PTCHD4: variants seen among roughly 807,000 people sequenced by gnomAD.
PTCHD4 encodes the protein patched domain-containing protein 4.
A neutral mutation model predicts 58.1 loss-of-function variants in PTCHD4; 33 were observed. That is an observed-to-expected ratio of 0.57 (90% confidence interval 0.43 to 0.76). The LOEUF is 0.76. Ranked by LOEUF, PTCHD4 falls within the 30% of genes least tolerant of loss-of-function variation. PTCHD4 has a pLI of 0.00. For missense variants in PTCHD4, 1,058 were observed against 1,027.1 expected, an observed-to-expected ratio of 1.03 and a Z score of -0.41; for synonymous variants, 478 against 409.6, an observed-to-expected ratio of 1.17 and a Z score of -2.02.
Position 47,873,265 on chromosome 6 carries a change from C to A in PTCHD4, c.*5038G>T, listed in dbSNP as rs548017035. Among the ~76,000 whole-genome samples the A allele has an allele frequency of 6.6e-6, 1 of 151,812 alleles. No homozygotes were observed. The highest frequency in any genetic ancestry group is 6.6e-5 in the Admixed American group (1 of 15,208). The stretch of plus-strand genomic sequence containing the variant: ...GTTTTGCAACACCACGTGATTCTCT[C>A]TGCTGTATTCTAAATCACAGAATAT... On this transcript the variant is annotated 3_prime_UTR_variant, in exon 5 of 5. Coordinates refer to ENST00000339488, the MANE Select transcript of PTCHD4 (RefSeq NM_001384253.1).
intron 4 of PTCHD4, among the ~76,000 whole-genome samples, chr6:47,954,559 G>A (rs1766781036): frequency 6.6e-6 from 1 of 152,182 alleles, no homozygotes; most frequent in Admixed American, 6.5e-5. Context: ...ACATGAACAT[G>A]AAGTACACTA....
At chr6:47,898,146 G>C (rs4715053) in intron 4 of PTCHD4, among the ~76,000 whole-genome samples, 69,010 of 151,298 alleles carry the variant, frequency 0.46, 17,282 homozygotes, top group East Asian at 0.75. Flanking sequence ...GAGTTTCACC[G>C]TGTTAGCCAG....
chr6:47,970,604 G>A (rs867556848), intron 4 of PTCHD4, among the ~76,000 whole-genome samples: 8 of 152,242 alleles, frequency 5.3e-5, no homozygotes, highest in Middle Eastern at 3.4e-3. Context: ...TGCAGGACAC[G>A]GAGTACAGTG....
Position 47,858,830 on chromosome 6 carries a change from T to C in PTCHD4, c.*19473A>G, listed in dbSNP as rs193227161. Among the ~76,000 whole-genome samples, 3 of 152,182 alleles carry C rather than the reference T, an allele frequency of 2.0e-5. No individual in the cohort carries two copies. The highest frequency in any genetic ancestry group is 1.9e-4 in the East Asian group (1 of 5,150). On this transcript the variant is annotated 3_prime_UTR_variant, in exon 5 of 5. Coordinates refer to ENST00000339488, the MANE Select transcript of PTCHD4 (RefSeq NM_001384253.1). ...GGAAAACAATACAGCAAATGTCACA[T>C]TTGTACAGAATATGCTTCCTATAAT...
chr6:48,088,231 G>A (rs146231573), intron 1 of PTCHD4, among the ~76,000 whole-genome samples: 78 of 152,138 alleles, frequency 5.1e-4, no homozygotes, highest in Non-Finnish European at 9.1e-4. Flanking sequence ...CAGCCTTTTA[G>A]TGTGCCCCGT....
chr6:47,992,666 ATATT>A (rs1317929907), intron 4 of PTCHD4, among the ~76,000 whole-genome samples: 3 of 152,326 alleles, frequency 2.0e-5, no homozygotes, highest in Admixed American at 1.3e-4. Flanking sequence ...CTGTATATAT[ATATT>A]TAAGTATAGA....
chr6:47,999,648 G>A (rs1027399292), intron 4 of PTCHD4, among the ~76,000 whole-genome samples: 14 of 152,136 alleles, frequency 9.2e-5, no homozygotes, highest in Non-Finnish European at 2.1e-4. Flanking sequence ...GGTCAGAAGA[G>A]CTATGTCTTC....
intron 1 of PTCHD4, among the ~76,000 whole-genome samples, chr6:48,079,593 G>C (rs1020878228): frequency 2.6e-5 from 4 of 151,350 alleles, no homozygotes; most frequent in South Asian, 2.1e-4. Context: ...ACTTTGTAGG[G>C]AGGGTTTGGC....
At chr6:47,945,791 C>T (rs1207490025) in intron 4 of PTCHD4, among the ~76,000 whole-genome samples, 2 of 151,506 alleles carry the variant, frequency 1.3e-5, no homozygotes, top group Non-Finnish European at 3.0e-5. Context: ...ATCTTTACTG[C>T]CTTTAAATAT....
chr6:47,969,730 A>T (rs895640362), intron 4 of PTCHD4, among the ~76,000 whole-genome samples: 2 of 152,176 alleles, frequency 1.3e-5, no homozygotes, highest in African/African-American at 4.8e-5. Flanking sequence ...AGCTGGCATA[A>T]ATAAAACTTC....
rs546738553 is a variant in PTCHD4 at position 47,871,789 on chromosome 6, C to A, written c.*6514G>T. Among the ~76,000 whole-genome samples, 2 of 151,624 alleles carry A rather than the reference C, an allele frequency of 1.3e-5. No homozygotes were observed. The highest frequency in any genetic ancestry group is 3.9e-4 in the East Asian group (2 of 5,132). Reference sequence around the variant, plus strand: ...CCCTTTTCAATCTGTGACAGATTTCCTAGTTCAGAGCAAAAAAGTCTACTG... The same window carrying A: ...CCCTTTTCAATCTGTGACAGATTTCATAGTTCAGAGCAAAAAAGTCTACTG... On this transcript the variant is annotated 3_prime_UTR_variant, in exon 5 of 5. Coordinates refer to ENST00000339488, the MANE Select transcript of PTCHD4 (RefSeq NM_001384253.1).
intron 1 of PTCHD4, among the ~76,000 whole-genome samples, chr6:48,099,904 T>C (rs577839813): frequency 1.1e-4 from 16 of 152,226 alleles, no homozygotes; most frequent in African/African-American, 3.1e-4. Context: ...GATAACCTCA[T>C]TGGAAATTCC....
chr6:48,068,343 A>C lies in PTCHD4; in HGVS notation c.304T>G (p.Leu102Val). The change falls in exon 3 of 5, where the codon TTA becomes GTA. Residue 102 changes from leucine to valine, a missense_variant. Leu to Val is a conservative substitution (Grantham distance 32). Transcript: ENST00000339488. This position sits in a 1 kb window ranked among gnomAD's most constrained non-coding sequence, Gnocchi z 4.2. ...CTGCCATACCTCCCAGGGGTGTGTA[A>C]GTCCGAATAGAGCTGGCTTTTGGAC... The part of the protein sequence containing the change: ...DQSKSQLYSD[L>V]HTPGRYGRVI... 5 of 1,613,892 alleles carry C rather than the reference A, an allele frequency of 3.1e-6. No individual in the cohort carries two copies. Among genetic ancestry groups the C allele is most frequent in the Non-Finnish European group, 4.2e-6 (5 of 1,179,874 alleles).
chr6:48,065,476 T>C (rs947498337), intron 3 of PTCHD4, among the ~76,000 whole-genome samples: 1 of 152,148 alleles, frequency 6.6e-6, no homozygotes, highest in African/African-American at 2.4e-5. Context: ...CACATGTTAG[T>C]GTGTATTAGC....
intron 1 of PTCHD4, among the ~76,000 whole-genome samples, chr6:48,077,832 A>G (rs1366455227): frequency 6.6e-6 from 1 of 152,198 alleles, no homozygotes; most frequent in East Asian, 1.9e-4. Flanking sequence ...TTAAGTTTGC[A>G]ATCTTGTATG....
chr6:47,925,535 A>C, intron 4 of PTCHD4, among the ~76,000 whole-genome samples: 1 of 152,332 alleles, frequency 6.6e-6, no homozygotes, highest in East Asian at 1.9e-4. Context: ...CAAAGCAAAG[A>C]GTTCCCAGAG....
Position 47,877,588 on chromosome 6 carries a change from C to T in PTCHD4, c.*715G>A, listed in dbSNP as rs1282336293. ...AACTCACATCTCTGTTTATTTTGCT[C>T]ATCCCACAGTTGAATGACACACTGA... On this transcript the variant is annotated 3_prime_UTR_variant, in exon 5 of 5. Coordinates refer to ENST00000339488, the MANE Select transcript of PTCHD4 (RefSeq NM_001384253.1). 6.6e-6 allele frequency among the ~76,000 whole-genome samples: 1 copy of T among 151,952 alleles called. No homozygotes were observed. Among genetic ancestry groups the T allele is most frequent in the Non-Finnish European group, 1.5e-5 (1 of 67,956 alleles).
chr6:48,010,117 G>T (rs1224150919), intron 3 of PTCHD4, among the ~76,000 whole-genome samples: 1 of 152,196 alleles, frequency 6.6e-6, no homozygotes, highest in Admixed American at 6.5e-5. Flanking sequence ...CAATGGCAAT[G>T]GTTCTCAGAA....
At chr6:48,095,259 A>G (rs1363496732) in intron 1 of PTCHD4, among the ~76,000 whole-genome samples, 1 of 152,260 alleles carries the variant, frequency 6.6e-6, no homozygotes, top group Non-Finnish European at 1.5e-5. Context: ...AAATCCATTT[A>G]CACTAAAAAT....
Sources: allele counts gnomAD v4.1 joint callset (sites outside exome capture counted in the v4.1 genomes callset), GRCh38; gene constraint gnomAD v4.1.1; non-coding constraint Gnocchi (gnomAD v3.1); transcripts MANE v1.5; gene names NCBI Gene and HGNC (gene_info 2026-07-23, HGNC 2026-07-21).